Variants in QSOX1 observed in about 807,000 individuals in gnomAD.
The protein encoded by QSOX1 is sulfhydryl oxidase 1.
QSOX1 carries 40 observed loss-of-function variants against 76.1 expected under a neutral mutation model. The observed-to-expected ratio is 0.53, with a 90% CI of 0.41 to 0.68. QSOX1 has a LOEUF of 0.68. QSOX1 is among the 30% of genes least tolerant of loss of function. The probability of loss-of-function intolerance (pLI) is 0.00; values close to 1 mark genes in which losing one functional copy is unlikely to be tolerated. For synonymous variants in QSOX1, 392 were observed against 413.1 expected (o/e 0.95, Z 0.62); for missense variants, 931 against 974.3 (o/e 0.96, Z 0.59).
intron 1 of QSOX1, 124 bp downstream of exon 1, chr1:180,155,296 C>T (rs1662350725): frequency 1.1e-6 from 1 of 900,886 alleles, no homozygotes; most frequent in South Asian, 1.9e-5. Context: ...ACCTCTTCCT[C>T]TCCGCGCATC....
At position 180,196,959 on chromosome 1, in the gene QSOX1, G is replaced by A; in HGVS notation, c.2166G>A (p.Met722Ile). ...TGGGGCTCTATTCCCTGTCCTTCATGGGCCTGCTGGCCATGTACACCTACT... is the reference window on the plus strand; with the variant it reads ...TGGGGCTCTATTCCCTGTCCTTCATAGGCCTGCTGGCCATGTACACCTACT... ...LCVGLYSLSF[M>I]GLLAMYTYFQ... The change falls in exon 12 of 12, where the codon ATG becomes ATA. Residue 722 changes from methionine (M) to isoleucine (I), a missense_variant. Met to Ile is a conservative substitution (Grantham distance 10). Transcript: ENST00000367602. This position sits in a 1 kb window ranked among gnomAD's most constrained non-coding sequence, Gnocchi z 4.1. 1 of 1,610,748 alleles carries A rather than the reference G, an allele frequency of 6.2e-7. No homozygotes were observed. Among genetic ancestry groups the A allele is most frequent in the Non-Finnish European group, 8.5e-7 (1 of 1,177,904 alleles).
intron 7 of QSOX1, among the ~76,000 whole-genome samples, chr1:180,185,571 A>G (rs1572051002): frequency 6.6e-6 from 1 of 152,166 alleles, no homozygotes; most frequent in Non-Finnish European, 1.5e-5. Context: ...CCCAGTCGCC[A>G]TTTCCCAGAC....
intron 1 of QSOX1, among the ~76,000 whole-genome samples, chr1:180,156,239 C>T (rs3767192): frequency 0.52 from 78,500 of 152,082 alleles, 23,193 homozygotes; most frequent in East Asian, 0.66. Flanking sequence ...CCACCTAATC[C>T]AGGTAGTGGG....
intron 2 of QSOX1, among the ~76,000 whole-genome samples, chr1:180,172,854 C>A (rs892478758): frequency 2.6e-5 from 4 of 151,996 alleles, no homozygotes; most frequent in African/African-American, 9.7e-5. Context: ...TAATGCAAGC[C>A]TCTTTTAATA....
intron 11 of QSOX1, among the ~76,000 whole-genome samples, chr1:180,194,995 C>CCGG (rs1553275514): frequency 0.019 from 2,472 of 133,216 alleles, 136 homozygotes; most frequent in African/African-American, 0.068. Context: ...TGACAGCCTC[C>CCGG]CGGGGGGGGG....
chr1:180,198,260 C>T lies in QSOX1; in HGVS notation c.*1223C>T, dbSNP rs1663555728. Reference sequence around the variant, plus strand: ...CAGCCTTGCCACCCCCTGCCCCAATCCTCCCTGAGAGCTCCTGCCTCAGTG... The same window carrying T: ...CAGCCTTGCCACCCCCTGCCCCAATTCTCCCTGAGAGCTCCTGCCTCAGTG... On this transcript the variant is annotated 3_prime_UTR_variant, in exon 12 of 12. Coordinates refer to ENST00000367602, the MANE Select transcript of QSOX1 (RefSeq NM_002826.5). The T allele has an allele frequency of 4.4e-6, 2 of 456,454 alleles. 1 individual carries two copies. The highest frequency in any genetic ancestry group is 3.1e-5 in the South Asian group (2 of 64,566). The allele number at this position is 456,454 out of a possible 1,614,324, so 28.3% of individuals were successfully genotyped here. A position where few individuals can be genotyped will look rare whatever the true frequency, so the allele number is the denominator to read the frequency against.
At chr1:180,185,229 G>A (rs1011091487) in intron 7 of QSOX1, among the ~76,000 whole-genome samples, 23 of 150,030 alleles carry the variant, frequency 1.5e-4, no homozygotes, top group South Asian at 8.3e-4. Flanking sequence ...TCATGGAGGG[G>A]TCAGGAGCAA....
At chr1:180,171,953 C>T (rs545482235) in intron 2 of QSOX1, among the ~76,000 whole-genome samples, 29 of 152,098 alleles carry the variant, frequency 1.9e-4, no homozygotes, top group Non-Finnish European at 3.8e-4. Flanking sequence ...GCCAGGAGGG[C>T]GGGGAGAGAT....
At chr1:180,181,136 A>T (rs915682898) in intron 5 of QSOX1, among the ~76,000 whole-genome samples, 1 of 152,186 alleles carries the variant, frequency 6.6e-6, no homozygotes, top group Non-Finnish European at 1.5e-5. Flanking sequence ...TACCTATGCA[A>T]TACAGGTTAG....
chr1:180,160,491 G>A (rs1327682857), intron 1 of QSOX1, among the ~76,000 whole-genome samples: 1 of 151,966 alleles, frequency 6.6e-6, no homozygotes, highest in Non-Finnish European at 1.5e-5. Flanking sequence ...TGTTGCTGAA[G>A]TTACCCACTG....
At chr1:180,193,805 G>T (rs1319566570) in intron 10 of QSOX1, among the ~76,000 whole-genome samples, 2 of 152,164 alleles carry the variant, frequency 1.3e-5, no homozygotes, top group Non-Finnish European at 2.9e-5. Context: ...CATGGTGGAA[G>T]CAAGTCGGAC....
intron 1 of QSOX1, among the ~76,000 whole-genome samples, chr1:180,164,234 G>C (rs1216464919): frequency 6.6e-6 from 1 of 152,190 alleles, no homozygotes; most frequent in African/African-American, 2.4e-5. Context: ...GCAGATACTT[G>C]GATAGGCTCA....
At position 180,198,427 on chromosome 1, in the gene QSOX1, C is replaced by G. The variant is rs895671687; in HGVS notation, c.*1390C>G. 4.4e-6 allele frequency: 2 copies of G among 455,570 alleles called. No individual in the cohort carries two copies. The highest frequency in any genetic ancestry group is 3.1e-5 in the South Asian group (2 of 64,556). The allele number at this position is 455,570 out of a possible 1,614,324, so 28.2% of individuals were successfully genotyped here. Reference sequence around the variant, plus strand: ...AGGATTAGAGAGCCTGCCCCTAATCCGGCCTGCTGGGTTTTACAAGGATCA... The same window carrying G: ...AGGATTAGAGAGCCTGCCCCTAATCGGGCCTGCTGGGTTTTACAAGGATCA... On this transcript the variant is annotated 3_prime_UTR_variant, in exon 12 of 12. Transcript: ENST00000367602.
At chr1:180,177,085 C>T (rs1174592521) in intron 4 of QSOX1, among the ~76,000 whole-genome samples, 1 of 152,176 alleles carries the variant, frequency 6.6e-6, no homozygotes, top group African/African-American at 2.4e-5. Flanking sequence ...CCAGAAAACA[C>T]CCATGTCAGC....
chr1:180,174,398 T>C (rs1192273702), intron 2 of QSOX1, among the ~76,000 whole-genome samples: 2 of 152,234 alleles, frequency 1.3e-5, no homozygotes, highest in African/African-American at 4.8e-5. Flanking sequence ...TCAGCTAGTC[T>C]GTAGCAAGGC....
At chr1:180,182,493 C>A (rs186137478) in intron 6 of QSOX1, among the ~76,000 whole-genome samples, 174 bp downstream of exon 6, 1 of 152,188 alleles carries the variant, frequency 6.6e-6, no homozygotes, top group Non-Finnish European at 1.5e-5. Flanking sequence ...CGTCAGGAGC[C>A]TGGGCCTGAA....
At chr1:180,166,662 G>C in intron 2 of QSOX1, 71 bp downstream of exon 2, 1 of 1,455,112 alleles carries the variant, frequency 6.9e-7, no homozygotes, top group African/African-American at 1.4e-5. Context: ...AAGGGACCAT[G>C]TGGGATGTGT....
intron 6 of QSOX1, 119 bp from the exon 7 acceptor site, chr1:180,183,797 A>C: frequency 8.5e-7 from 1 of 1,176,490 alleles, no homozygotes; most frequent in Non-Finnish European, 1.2e-6. Context: ...AATCTCGTTC[A>C]CATATTTAAT....
At chr1:180,195,081 C>T (rs1199034747) in intron 11 of QSOX1, among the ~76,000 whole-genome samples, 4 of 151,998 alleles carry the variant, frequency 2.6e-5, no homozygotes, top group Non-Finnish European at 5.9e-5. Flanking sequence ...TGGTCGTGGT[C>T]TCCTGGGGCC....
Sources: allele counts gnomAD v4.1 joint callset (sites outside exome capture counted in the v4.1 genomes callset), GRCh38; gene constraint gnomAD v4.1.1; non-coding constraint Gnocchi (gnomAD v3.1); transcripts MANE v1.5; gene names NCBI Gene and HGNC (gene_info 2026-07-23, HGNC 2026-07-21).